FBXO31: variants seen among roughly 807,000 people sequenced by gnomAD.
FBXO31 encodes the protein F-box only protein 31.
Under a neutral mutation model 54.4 loss-of-function variants are expected in FBXO31, and 24 were observed. The ratio of observed to expected loss-of-function variants is 0.44; its 90% CI spans 0.32 to 0.62. The LOEUF (loss-of-function observed/expected upper bound fraction) is 0.62. Among genes scored for constraint, FBXO31 ranks in the 20% least tolerant of loss-of-function variants. The pLI is 0.05. For missense variants in FBXO31, 665 were observed against 787.1 expected (o/e 0.84, Z 1.86); for synonymous variants, 388 against 335.6 (o/e 1.16, Z -1.71).
At position 87,378,055 on chromosome 16, in the gene FBXO31, A is replaced by C. The variant is rs1906906732; in HGVS notation, c.340+5350T>G. ...ACACCTGTAATCCCAGTTATTCAGG[A>C]GGCTGAGGCAGGAGAACTGCTTGAA... On this transcript the variant is annotated intron_variant, in intron 1 of 8. Transcript: ENST00000311635. 2.0e-5 allele frequency among the ~76,000 whole-genome samples: 3 copies of C among 151,956 alleles called. No homozygotes were observed. In the South Asian group the frequency reaches 6.2e-4, roughly 32 times the overall value.
In FBXO31 at chr16:87,336,398, G is replaced by A. The variant is rs1173252985; in HGVS notation, c.733-134C>T. 2.7e-6 allele frequency: 2 copies of A among 729,056 alleles called. No individual in the cohort carries two copies. The highest frequency in any genetic ancestry group is 4.6e-5 in the Admixed American group (2 of 43,090). The allele number at this position is 729,056 out of a possible 1,614,324, so 45.2% of individuals were successfully genotyped here. On this transcript the variant is annotated intron_variant, in intron 5 of 8. Coordinates refer to ENST00000311635, the MANE Select transcript of FBXO31 (RefSeq NM_024735.5). The surrounding 1 kb of genome is among the most constrained non-coding windows in gnomAD (Gnocchi z 6.5). ...GCACCTGCAGGGCCCTCTTGGTGGG[G>A]GAGGATGGACTTGGCGCTGGGAAGA...
At chr16:87,339,978 T>C (rs774899864) in intron 5 of FBXO31, among the ~76,000 whole-genome samples, 3 of 152,092 alleles carry the variant, frequency 2.0e-5, no homozygotes, top group Non-Finnish European at 4.4e-5. Flanking sequence ...AAATAAAACA[T>C]AGCGATAAAA....
At position 87,330,202 on chromosome 16, in the gene FBXO31, C is replaced by T. The variant is rs527379889; in HGVS notation, c.*1086G>A. On this transcript the variant is annotated 3_prime_UTR_variant, in exon 9 of 9. Transcript: ENST00000311635. ...TGGGGTCCCCACACGCAGGTGTTAA[C>T]ACAACATGGGGCACACAGCAGTGGA... 1.3e-5 allele frequency: 2 copies of T among 152,420 alleles called. No individual in the cohort carries two copies. Among genetic ancestry groups the T allele is most frequent in the Admixed American group, 6.5e-5 (1 of 15,296 alleles). 9.4% of individuals were successfully genotyped at this position (152,420 alleles called of 1,614,324 possible).
Position 87,346,325 on chromosome 16 carries a change from G to A in FBXO31, c.489+849C>T, listed in dbSNP as rs371734583. ...AGTGCCCAGGCGCACAGTGAGGGGT[G>A]GGGGGCATCCAACACGCCTGGAGAT... is the stretch of plus-strand genomic sequence containing the variant. On this transcript the variant is annotated intron_variant, in intron 3 of 8. Transcript: ENST00000311635. This position sits in a 1 kb window ranked among gnomAD's most constrained non-coding sequence, Gnocchi z 4.2. Among the ~76,000 whole-genome samples the A allele has an allele frequency of 6.8e-6, 1 of 147,268 alleles. No homozygotes were observed. Among genetic ancestry groups the A allele is most frequent in the African/African-American group, 2.6e-5 (1 of 38,816 alleles).
intron 5 of FBXO31, among the ~76,000 whole-genome samples, chr16:87,342,036 AC>A (rs1423841773): frequency 1.3e-5 from 2 of 152,088 alleles, no homozygotes; most frequent in Non-Finnish European, 2.9e-5. Context: ...ACATGGCATA[AC>A]CCCGTAGCAT....
At position 87,383,363 on chromosome 16, in the gene FBXO31, G is replaced by T; in HGVS notation, c.340+42C>A. ...AGCTCCGAGGCCTCCACCTGGCAGGGACCCCCCGCCCCTCCCGGCCCCGCC... is the reference window on the plus strand; with the variant it reads ...AGCTCCGAGGCCTCCACCTGGCAGGTACCCCCCGCCCCTCCCGGCCCCGCC... On this transcript the variant is annotated intron_variant, in intron 1 of 8. Coordinates refer to ENST00000311635, the MANE Select transcript of FBXO31 (RefSeq NM_024735.5). The surrounding 1 kb of genome is among the most constrained non-coding windows in gnomAD (Gnocchi z 4.9). 7.0e-7 allele frequency: 1 copy of T among 1,437,770 alleles called. No individual in the cohort carries two copies. Among genetic ancestry groups the T allele is most frequent in the Non-Finnish European group, 9.4e-7 (1 of 1,064,684 alleles). The allele number at this position is 1,437,770 out of a possible 1,614,324, so 89.1% of individuals were successfully genotyped here. A position where few individuals can be genotyped will look rare whatever the true frequency, so the allele number is the denominator to read the frequency against.
chr16:87,343,929 TC>T, intron 3 of FBXO31, among the ~76,000 whole-genome samples, 164 bp from the exon 4 acceptor site: 1 of 152,230 alleles, frequency 6.6e-6, no homozygotes, highest in Non-Finnish European at 1.5e-5. Flanking sequence ...AGCACTATCT[TC>T]CAGCTCTGAG....
chr16:87,357,144 C>T (rs776219414), intron 2 of FBXO31, among the ~76,000 whole-genome samples: 2 of 151,964 alleles, frequency 1.3e-5, no homozygotes, highest in South Asian at 2.1e-4. Flanking sequence ...ACTAGGGAGG[C>T]TGAGGCAGGA....
chr16:87,349,396 C>T (rs1905538992), intron 2 of FBXO31, among the ~76,000 whole-genome samples: 1 of 152,174 alleles, frequency 6.6e-6, no homozygotes, highest in African/African-American at 2.4e-5. Context: ...GGGCAGAGAA[C>T]AAAATGTCAT....
At chr16:87,387,144 T>C (rs1033728478), upstream of FBXO31, among the ~76,000 whole-genome samples, 2 of 151,368 alleles carry the variant, frequency 1.3e-5, no homozygotes, top group Admixed American at 6.6e-5. Flanking sequence ...ATAATAATAA[T>C]AGAAAGAAAA....
At chr16:87,371,864 C>G (rs1315380431) in intron 1 of FBXO31, among the ~76,000 whole-genome samples, 1 of 152,176 alleles carries the variant, frequency 6.6e-6, no homozygotes, top group Non-Finnish European at 1.5e-5. Context: ...GACTCAACAC[C>G]TTCCGGGTGC....
In FBXO31 at chr16:87,383,399, G is replaced by A. The variant is rs1033478516; in HGVS notation, c.340+6C>T. 6.9e-7 allele frequency: 1 copy of A among 1,459,442 alleles called. No homozygotes were observed. The highest frequency in any genetic ancestry group is 9.2e-7 in the Non-Finnish European group (1 of 1,083,892). The allele number at this position is 1,459,442 out of a possible 1,614,324, so 90.4% of individuals were successfully genotyped here. A position where few individuals can be genotyped will look rare whatever the true frequency, so the allele number is the denominator to read the frequency against. On this transcript the variant is annotated splice_donor_region_variant and intron_variant, in intron 1 of 8. Transcript: ENST00000311635. The surrounding 1 kb of genome is among the most constrained non-coding windows in gnomAD (Gnocchi z 4.9). ...CCTCCCGGCCCCGCCACCCCCGCGCGCTCACCCTCACGGCAACGCCTCCTC... is the reference window on the plus strand; with the variant it reads ...CCTCCCGGCCCCGCCACCCCCGCGCACTCACCCTCACGGCAACGCCTCCTC...
chr16:87,368,821 TAG>T (rs2150691281), intron 1 of FBXO31, among the ~76,000 whole-genome samples: 1 of 152,262 alleles, frequency 6.6e-6, no homozygotes, highest in South Asian at 2.1e-4. Context: ...CTTTTTGAAA[TAG>T]AGTTTCGCTC....
intron 1 of FBXO31, among the ~76,000 whole-genome samples, chr16:87,361,765 G>C (rs567154502): frequency 6.6e-6 from 1 of 152,204 alleles, no homozygotes; most frequent in East Asian, 1.9e-4. Flanking sequence ...AGTAAAGCTC[G>C]AGAAGCAGAC....
At chr16:87,361,846 G>A (rs1844630337) in intron 1 of FBXO31, among the ~76,000 whole-genome samples, 1 of 152,232 alleles carries the variant, frequency 6.6e-6, no homozygotes, top group African/African-American at 2.4e-5. Context: ...ACCGTTCCAG[G>A]CTTGTGCCTT....
At chr16:87,371,810 A>G (rs534302639) in intron 1 of FBXO31, among the ~76,000 whole-genome samples, 1 of 152,380 alleles carries the variant, frequency 6.6e-6, no homozygotes, top group Admixed American at 6.5e-5. Context: ...CTGCTGGGCA[A>G]GTCTCAGGGA....
chr16:87,346,720 C>T lies in FBXO31; in HGVS notation c.489+454G>A, dbSNP rs1238068140. Among the ~76,000 whole-genome samples the T allele has an allele frequency of 6.6e-6, 1 of 152,224 alleles. No homozygotes were observed. Among genetic ancestry groups the T allele is most frequent in the African/African-American group, 2.4e-5 (1 of 41,452 alleles). ...AGAGCAGGGCTTTCCGTTCGAGAGG[C>T]TCCAGTAGGAGGGCACAGGGGGCGG... On this transcript the variant is annotated intron_variant, in intron 3 of 8. Coordinates refer to ENST00000311635, the MANE Select transcript of FBXO31 (RefSeq NM_024735.5). This position sits in a 1 kb window ranked among gnomAD's most constrained non-coding sequence, Gnocchi z 4.2.
chr16:87,331,459 G>C lies in FBXO31; in HGVS notation c.1449C>G (p.Arg483=). ...IAGHGFTSPE[R]TPGVFILFDE... ...CGAAGAGGATGAAGACCCCGGGGGTGCGTTCAGGGCTGGTGAAGCCGTGGC... is the reference window on the plus strand; with the variant it reads ...CGAAGAGGATGAAGACCCCGGGGGTCCGTTCAGGGCTGGTGAAGCCGTGGC... Residue 483 remains arginine (R), a synonymous_variant, in exon 9 of 9, where the codon CGC becomes CGG. Coordinates refer to ENST00000311635, the MANE Select transcript of FBXO31 (RefSeq NM_024735.5). 6.2e-7 allele frequency: 1 copy of C among 1,613,014 alleles called. No individual in the cohort carries two copies. The highest frequency in any genetic ancestry group is 8.5e-7 in the Non-Finnish European group (1 of 1,179,476).
intron 5 of FBXO31, among the ~76,000 whole-genome samples, chr16:87,341,087 C>A (rs987001396): frequency 6.6e-5 from 10 of 152,076 alleles, no homozygotes; most frequent in Non-Finnish European, 4.4e-5. Flanking sequence ...AACATAAACT[C>A]CCCCCATCAA....
Sources: gnomAD v4.1 joint callset for allele counts (sites outside exome capture counted in the v4.1 genomes callset) on GRCh38, gnomAD v4.1.1 for gene constraint, Gnocchi (gnomAD v3.1) non-coding constraint, MANE v1.5 for transcripts, NCBI Gene and HGNC (gene_info 2026-07-23, HGNC 2026-07-21) for gene names.